GRM4: variants seen among roughly 807,000 people sequenced by gnomAD.
GRM4 encodes the protein glutamate metabotropic receptor 4, also known as metabotropic glutamate receptor 4.
Under a neutral mutation model 81.7 loss-of-function variants are expected in GRM4, and 28 were observed. The ratio of observed to expected loss-of-function variants is 0.34; its 90% CI spans 0.25 to 0.47. GRM4 has a LOEUF of 0.47. GRM4 is among the 20% of genes least tolerant of loss of function. The pLI, the probability that GRM4 is intolerant of heterozygous loss-of-function variation, is 1.00. For missense variants in GRM4, 948 were observed against 1,290.0 expected, an observed-to-expected ratio of 0.73 and a Z score of 4.06; for synonymous variants, 488 against 528.8, an observed-to-expected ratio of 0.92 and a Z score of 1.06.
chr6:34,025,417 C>T (rs1203240984), intron 10 of GRM4, among the ~76,000 whole-genome samples: 1 of 152,282 alleles, frequency 6.6e-6, no homozygotes, highest in East Asian at 1.9e-4. Context: ...ACAACAAAAT[C>T]TCCACTGACT....
intron 2 of GRM4, among the ~76,000 whole-genome samples, chr6:34,129,365 G>A (rs938028655): frequency 2.0e-5 from 3 of 152,196 alleles, no homozygotes; most frequent in Non-Finnish European, 4.4e-5. Context: ...AACTGACATG[G>A]TAAGTGGAGG....
In GRM4 at chr6:34,070,480, T is replaced by A. The variant is rs1044702229; in HGVS notation, c.737-8452A>T. On this transcript the variant is annotated intron_variant, in intron 3 of 10. Transcript: ENST00000538487. This position sits in a 1 kb window ranked among gnomAD's most constrained non-coding sequence, Gnocchi z 4.6. Reference sequence around the variant, plus strand: ...GCCTGAAGACAGGTGACTCAGTTGATAGTTTAAACTCCACCCGATAGGGCT... The same window carrying A: ...GCCTGAAGACAGGTGACTCAGTTGAAAGTTTAAACTCCACCCGATAGGGCT... Among the ~76,000 whole-genome samples, 10 of 152,018 alleles carry A rather than the reference T, an allele frequency of 6.6e-5. No homozygotes were observed. Among genetic ancestry groups the A allele is most frequent in the African/African-American group, 2.2e-4 (9 of 41,366 alleles).
At chr6:34,147,272 C>A (rs938617327), upstream of GRM4, among the ~76,000 whole-genome samples, 1 of 152,216 alleles carries the variant, frequency 6.6e-6, no homozygotes, top group Non-Finnish European at 1.5e-5. Context: ...TGTAAACACA[C>A]GACTGAACGC....
chr6:34,147,101 C>T (rs887869539), upstream of GRM4, among the ~76,000 whole-genome samples: 1 of 152,236 alleles, frequency 6.6e-6, no homozygotes, highest in African/African-American at 2.4e-5. Context: ...AAAGCTTGCA[C>T]TCTCTTTGCT....
At chr6:34,086,450 G>A (rs1448371369) in intron 3 of GRM4, among the ~76,000 whole-genome samples, 1 of 152,192 alleles carries the variant, frequency 6.6e-6, no homozygotes, top group Non-Finnish European at 1.5e-5. Flanking sequence ...TAGGGCCTCA[G>A]AATTTCCTGC....
chr6:34,092,637 C>T lies in GRM4; in HGVS notation c.520-538G>A, dbSNP rs1768297687. Among the ~76,000 whole-genome samples, 1 of 152,146 alleles carries T rather than the reference C, an allele frequency of 6.6e-6. No homozygotes were observed. Among genetic ancestry groups the T allele is most frequent in the South Asian group, 2.1e-4 (1 of 4,824 alleles). ...CCAGCTCCCCTGTCCCCCACTCCAA[C>T]CCCAAGGATGGAAGCCCAGGAAGCT... On this transcript the variant is annotated intron_variant, in intron 2 of 10. Coordinates refer to ENST00000538487, the MANE Select transcript of GRM4 (RefSeq NM_000841.4). The surrounding 1 kb of genome is among the most constrained non-coding windows in gnomAD (Gnocchi z 6.8).
rs1047380819 is a variant in GRM4, at chr6:34,019,254, G to C, written c.*3567C>G. On this transcript the variant is annotated 3_prime_UTR_variant, in exon 11 of 11. Transcript: ENST00000538487. ...GGAAGGGACCTGAGACTCTGCTCCT[G>C]AGGTGGGTCTCCCCAGGGTCCTAGG... The C allele has an allele frequency of 2.6e-5, 4 of 152,288 alleles. No individual in the cohort carries two copies. Among genetic ancestry groups the C allele is most frequent in the African/African-American group, 9.7e-5 (4 of 41,440 alleles). 9.4% of individuals were successfully genotyped at this position (152,288 alleles called of 1,614,324 possible).
Position 34,092,334 on chromosome 6 carries a change from C to T in GRM4, c.520-235G>A, listed in dbSNP as rs1768280033. ...ACACACACAGGCACACACATACATA[C>T]ACCACACACACATACACCCTGGGAG... On this transcript the variant is annotated intron_variant, in intron 2 of 10. Coordinates refer to ENST00000538487, the MANE Select transcript of GRM4 (RefSeq NM_000841.4). This position sits in a 1 kb window ranked among gnomAD's most constrained non-coding sequence, Gnocchi z 6.8. 6.6e-6 allele frequency among the ~76,000 whole-genome samples: 1 copy of T among 152,216 alleles called. No homozygotes were observed. The highest frequency in any genetic ancestry group is 2.4e-5 in the African/African-American group (1 of 41,458).
Position 34,114,727 on chromosome 6 carries a change from C to T in GRM4, c.519+18251G>A, listed in dbSNP as rs1194057108. Among the ~76,000 whole-genome samples the T allele has an allele frequency of 1.3e-5, 2 of 152,120 alleles. No individual in the cohort carries two copies. The highest frequency in any genetic ancestry group is 3.9e-4 in the East Asian group (2 of 5,180). The stretch of plus-strand genomic sequence containing the variant: ...ATGCACGCCTTGTCAGAACTGCCCT[C>T]GCCCTCCTCTGAGCCCCTAGACCCT... On this transcript the variant is annotated intron_variant, in intron 2 of 10. Transcript: ENST00000538487. The surrounding 1 kb of genome is among the most constrained non-coding windows in gnomAD (Gnocchi z 4.3).
chr6:34,137,910 A>G (rs1397301507), intron 1 of GRM4, among the ~76,000 whole-genome samples: 1 of 151,984 alleles, frequency 6.6e-6, no homozygotes, highest in African/African-American at 2.4e-5. Flanking sequence ...TCTTAGTATA[A>G]TATTAACAAG....
chr6:34,128,193 C>T (rs1384295977), intron 2 of GRM4, among the ~76,000 whole-genome samples: 5 of 152,180 alleles, frequency 3.3e-5, no homozygotes, highest in Non-Finnish European at 7.3e-5. Flanking sequence ...GGGAACTCTC[C>T]GGGATCAGCC....
chr6:34,152,555 C>G lies in GRM4; in HGVS notation c.312+2524G>C, dbSNP rs1185112706. Among the ~76,000 whole-genome samples, 4 of 152,106 alleles carry G rather than the reference C, an allele frequency of 2.6e-5. No homozygotes were observed. The highest frequency in any genetic ancestry group is 9.7e-5 in the African/African-American group (4 of 41,402). Reference sequence around the variant, plus strand: ...TCCTCCTCCTCCTCTTCAGCTTTCTCCCTCTCTTCCTGTACCCACCTCCCA... The same window carrying G: ...TCCTCCTCCTCCTCTTCAGCTTTCTGCCTCTCTTCCTGTACCCACCTCCCA... On this transcript the variant is annotated intron_variant, in intron 1 of 8. Transcript: ENST00000374177. The surrounding 1 kb of genome is among the most constrained non-coding windows in gnomAD (Gnocchi z 4.1).
intron 2 of GRM4, among the ~76,000 whole-genome samples, chr6:34,119,543 C>T (rs1235326171): frequency 6.6e-6 from 1 of 152,224 alleles, no homozygotes; most frequent in African/African-American, 2.4e-5. Flanking sequence ...CTGCCCCTCT[C>T]TGGCAGGAGG....
At chr6:34,120,664 C>G (rs1769774843) in intron 2 of GRM4, among the ~76,000 whole-genome samples, 1 of 152,304 alleles carries the variant, frequency 6.6e-6, no homozygotes, top group South Asian at 2.1e-4. Flanking sequence ...CCACATCACC[C>G]CCTAAGCCCC....
intron 9 of GRM4, among the ~76,000 whole-genome samples, chr6:34,030,856 T>C (rs1764375965): frequency 6.6e-6 from 1 of 152,132 alleles, no homozygotes; most frequent in African/African-American, 2.4e-5. Flanking sequence ...TATAAATAGA[T>C]CAAAACCCTC....
chr6:34,075,059 T>C (rs114812073), intron 3 of GRM4, among the ~76,000 whole-genome samples: 4,349 of 152,222 alleles, frequency 0.029, 219 homozygotes, highest in African/African-American at 0.098. Flanking sequence ...GACTGCTGAG[T>C]GTGGGACAGG....
chr6:34,037,162 T>A (rs1764756086), intron 8 of GRM4, among the ~76,000 whole-genome samples: 1 of 152,110 alleles, frequency 6.6e-6, no homozygotes, highest in African/African-American at 2.4e-5. Flanking sequence ...CAGCAGGGAG[T>A]TGGATTCAGC....
At chr6:34,154,546 G>A (rs1771107677) in intron 1 of GRM4, among the ~76,000 whole-genome samples, 1 of 151,758 alleles carries the variant, frequency 6.6e-6, no homozygotes, top group Admixed American at 6.6e-5. Context: ...TGGGTGGTCG[G>A]ATGGACAGAC....
chr6:34,111,908 TC>T lies in GRM4; in HGVS notation c.520-19810del, dbSNP rs937782738. ...CAGACGCACCCCCACCTGTTCCATT[TC>T]CTGATTGTCCAGATCTTATTGAGGT... On this transcript the variant is annotated intron_variant, in intron 2 of 10. Coordinates refer to ENST00000538487, the MANE Select transcript of GRM4 (RefSeq NM_000841.4). This position sits in a 1 kb window ranked among gnomAD's most constrained non-coding sequence, Gnocchi z 5.1. Among the ~76,000 whole-genome samples, 5 of 152,098 alleles carry T rather than the reference TC, an allele frequency of 3.3e-5. No homozygotes were observed. The highest frequency in any genetic ancestry group is 1.2e-4 in the African/African-American group (5 of 41,412).
Sources: gnomAD v4.1 joint callset for allele counts (sites outside exome capture counted in the v4.1 genomes callset) on GRCh38, gnomAD v4.1.1 for gene constraint, Gnocchi (gnomAD v3.1) non-coding constraint, MANE v1.5 for transcripts, NCBI Gene and HGNC (gene_info 2026-07-23, HGNC 2026-07-21) for gene names.